DOCK2: variants seen among roughly 807,000 people sequenced by gnomAD.
The protein encoded by DOCK2 is dedicator of cytokinesis 2.
Under a neutral mutation model 248.9 loss-of-function variants are expected in DOCK2, and 87 were observed. The ratio of observed to expected loss-of-function variants is 0.35; its 90% CI spans 0.29 to 0.42. The LOEUF is 0.42. Ranked by LOEUF, DOCK2 falls within the 10% of genes least tolerant of loss-of-function variation. The pLI, the probability that DOCK2 is intolerant of heterozygous loss-of-function variation, is 1.00. For synonymous variants in DOCK2, 805 were observed against 821.6 expected, an observed-to-expected ratio of 0.98 and a Z score of 0.35; for missense variants, 1,747 against 2,300.2, an observed-to-expected ratio of 0.76 and a Z score of 4.92.
chr5:169,712,900 G>A lies in DOCK2; in HGVS notation c.1659+677G>A, dbSNP rs182960076. On this transcript the variant is annotated intron_variant, in intron 17 of 51. Transcript: ENST00000520908. ...TTCCACATGTCCTCTTATGACAACAGAATGCATCTACTAGCACCTGGCTGG... is the reference window on the plus strand; with the variant it reads ...TTCCACATGTCCTCTTATGACAACAAAATGCATCTACTAGCACCTGGCTGG... Among the ~76,000 whole-genome samples the A allele has an allele frequency of 2.0e-5, 3 of 152,358 alleles. No homozygotes were observed. In the East Asian group the frequency reaches 5.8e-4, roughly 29 times the overall value.
At chr5:169,934,159 G>T (rs1414393257) in intron 27 of DOCK2, among the ~76,000 whole-genome samples, 3 of 152,154 alleles carry the variant, frequency 2.0e-5, no homozygotes, top group Non-Finnish European at 4.4e-5. Context: ...CCAATTAGGG[G>T]TTGGCAGTAA....
At chr5:169,684,137 T>G in intron 7 of DOCK2, 59 bp from the exon 8 acceptor site, 1 of 1,569,722 alleles carries the variant, frequency 6.4e-7, no homozygotes, top group Non-Finnish European at 8.7e-7. Flanking sequence ...TCTCTGTTGC[T>G]CTAAGTGGTG....
At chr5:169,817,759 C>T (rs1014951441) in intron 26 of DOCK2, among the ~76,000 whole-genome samples, 18 of 152,170 alleles carry the variant, frequency 1.2e-4, no homozygotes, top group African/African-American at 4.3e-4. Flanking sequence ...ACAGACTCTC[C>T]AAGGACAGGG....
chr5:170,039,882 C>T (rs970613948), intron 36 of DOCK2, among the ~76,000 whole-genome samples: 19 of 152,294 alleles, frequency 1.2e-4, no homozygotes, highest in South Asian at 2.1e-4. Context: ...TAGCATATCC[C>T]CTCACCACAT....
At chr5:169,776,159 A>G (rs1581172291) in intron 25 of DOCK2, among the ~76,000 whole-genome samples, 1 of 141,688 alleles carries the variant, frequency 7.1e-6, no homozygotes. Context: ...TTATATAAAT[A>G]TATATATTTA....
At chr5:169,804,477 T>C (rs1224289538) in intron 26 of DOCK2, among the ~76,000 whole-genome samples, 11 of 72,614 alleles carry the variant, frequency 1.5e-4, no homozygotes, top group African/African-American at 3.7e-4. Flanking sequence ...TGTGTGTGTG[T>C]GTGTGTGTGC....
At position 169,693,920 on chromosome 5, in the gene DOCK2, G is replaced by A. The variant is rs1760451053; in HGVS notation, c.844-1883G>A. Among the ~76,000 whole-genome samples the A allele has an allele frequency of 2.6e-5, 4 of 152,320 alleles. 1 individual carries two copies. In the South Asian group the frequency reaches 8.3e-4, roughly 32 times the overall value. Reference sequence around the variant, plus strand: ...TTGGATGAGGCCCACGGACATTATAGAACGTCATCTCCTTTACTTAGTCAG... The same window carrying A: ...TTGGATGAGGCCCACGGACATTATAAAACGTCATCTCCTTTACTTAGTCAG... On this transcript the variant is annotated intron_variant, in intron 9 of 51. Coordinates refer to ENST00000520908, the MANE Select transcript of DOCK2 (RefSeq NM_004946.3).
intron 14 of DOCK2, chr5:169,704,172 G>C (rs947681199): frequency 6.6e-6 from 1 of 152,222 alleles, no homozygotes; most frequent in Non-Finnish European, 1.5e-5. Flanking sequence ...GGGGAGTTCA[G>C]TTGACTGACT....
chr5:169,755,284 A>G (rs2113717423), intron 23 of DOCK2, among the ~76,000 whole-genome samples: 1 of 152,306 alleles, frequency 6.6e-6, no homozygotes, highest in Middle Eastern at 3.4e-3. Flanking sequence ...TAATCGTATT[A>G]TATGAGTATG....
chr5:169,899,664 C>T (rs1486004408), intron 27 of DOCK2, among the ~76,000 whole-genome samples: 1 of 152,186 alleles, frequency 6.6e-6, no homozygotes, highest in African/African-American at 2.4e-5. Context: ...ATAGACCTCT[C>T]TACATACCAC....
Position 169,637,512 on chromosome 5 carries a change from C to T in DOCK2, c.43+143C>T, listed in dbSNP as rs1411177228. The T allele has an allele frequency of 6.0e-6, 6 of 1,006,008 alleles. No individual in the cohort carries two copies. The East Asian group carries it at 1.3e-4, about 23-fold the overall frequency. The allele number at this position is 1,006,008 out of a possible 1,614,324, so 62.3% of individuals were successfully genotyped here. ...GAGGGCGCAGCCTGCGGCGGGGCCTCGGGGCGGGAAAGCCGAGGCTCGGGG... is the reference window on the plus strand; with the variant it reads ...GAGGGCGCAGCCTGCGGCGGGGCCTTGGGGCGGGAAAGCCGAGGCTCGGGG... On this transcript the variant is annotated intron_variant, in intron 1 of 51. Coordinates refer to ENST00000520908, the MANE Select transcript of DOCK2 (RefSeq NM_004946.3).
intron 38 of DOCK2, 80 bp downstream of exon 38, chr5:170,042,212 A>G: frequency 6.9e-7 from 1 of 1,457,734 alleles, no homozygotes; most frequent in Non-Finnish European, 9.2e-7. Flanking sequence ...CATCCAATCC[A>G]TCCTCAGCTC....
intron 1 of DOCK2, among the ~76,000 whole-genome samples, chr5:169,650,889 G>C (rs1276149073): frequency 6.6e-6 from 1 of 152,188 alleles, no homozygotes; most frequent in Non-Finnish European, 1.5e-5. Flanking sequence ...TGGCACGATG[G>C]GGAAGCTGGA....
chr5:169,702,693 GTATGTATT>G (rs1761048307), intron 14 of DOCK2: 1 of 237,226 alleles, frequency 4.2e-6, no homozygotes, highest in Admixed American at 7.0e-5. Flanking sequence ...ATGTATGTAT[GTATGTATT>G]TATTTATTTA....
chr5:169,767,015 C>T (rs1170359588), intron 25 of DOCK2, among the ~76,000 whole-genome samples: 2 of 152,220 alleles, frequency 1.3e-5, no homozygotes, highest in African/African-American at 4.8e-5. Context: ...CTCAGCCTCC[C>T]AAAGTGCTGG....
chr5:169,672,868 T>C (rs1759119261), intron 5 of DOCK2, among the ~76,000 whole-genome samples: 1 of 152,090 alleles, frequency 6.6e-6, no homozygotes, highest in African/African-American at 2.4e-5. Flanking sequence ...GTGATTACGG[T>C]TTTATTATAA....
chr5:169,821,163 G>A (rs999385456), intron 26 of DOCK2, among the ~76,000 whole-genome samples: 2 of 152,158 alleles, frequency 1.3e-5, no homozygotes, highest in Non-Finnish European at 2.9e-5. Context: ...TGAAAGTGAC[G>A]TAGAGAATGA....
At chr5:170,062,584 C>T (rs1280333188) in intron 44 of DOCK2, among the ~76,000 whole-genome samples, 1 of 152,118 alleles carries the variant, frequency 6.6e-6, no homozygotes, top group African/African-American at 2.4e-5. Context: ...TACCCTAATT[C>T]TAAGGTTCCC....
At chr5:169,921,921 A>C (rs1775197152) in intron 27 of DOCK2, among the ~76,000 whole-genome samples, 1 of 152,206 alleles carries the variant, frequency 6.6e-6, no homozygotes, top group Non-Finnish European at 1.5e-5. Context: ...CAGTAGAAAG[A>C]TGATCTTTTA....
Sources: allele counts gnomAD v4.1 joint callset (sites outside exome capture counted in the v4.1 genomes callset), GRCh38; gene constraint gnomAD v4.1.1; transcripts MANE v1.5; gene names NCBI Gene and HGNC (gene_info 2026-07-23, HGNC 2026-07-21).